Variants in EYA2 observed in about 807,000 individuals in gnomAD.
The protein encoded by EYA2 is protein phosphatase EYA2.
Under a neutral mutation model 69.2 loss-of-function variants are expected in EYA2, and 31 were observed. The observed-to-expected ratio is 0.45, with a 90% CI of 0.34 to 0.60. The LOEUF is 0.60. EYA2 is among the 20% of genes least tolerant of loss of function. The pLI is 0.02. For missense variants in EYA2, 622 were observed against 701.2 expected, an observed-to-expected ratio of 0.89 and a Z score of 1.28; for synonymous variants, 257 against 279.4, an observed-to-expected ratio of 0.92 and a Z score of 0.80.
At chr20:46,938,966 C>G (rs1051622326) in intron 1 of EYA2, among the ~76,000 whole-genome samples, 1 of 152,196 alleles carries the variant, frequency 6.6e-6, no homozygotes, top group Non-Finnish European at 1.5e-5. Context: ...TATTCAAATT[C>G]TCCCAGATGT....
intron 10 of EYA2, among the ~76,000 whole-genome samples, chr20:47,159,763 G>A (rs1363393048): frequency 2.6e-5 from 4 of 152,152 alleles, no homozygotes; most frequent in East Asian, 3.9e-4. Flanking sequence ...GCCAAGGTGG[G>A]CGGATCACTT....
intron 5 of EYA2, among the ~76,000 whole-genome samples, chr20:47,018,834 A>G (rs1983573836): frequency 1.3e-5 from 2 of 152,244 alleles, no homozygotes; most frequent in Non-Finnish European, 2.9e-5. Context: ...CGCAGAGCCA[A>G]TAAGTGTTCA....
intron 10 of EYA2, among the ~76,000 whole-genome samples, chr20:47,146,224 A>G (rs1312797394): frequency 1.3e-5 from 2 of 152,172 alleles, no homozygotes; most frequent in Non-Finnish European, 1.5e-5. Flanking sequence ...GAGATGTCTG[A>G]GACACCCTGG....
chr20:47,182,628 T>TCAAAAAAAAAAAAAAAAAAA lies in EYA2; in HGVS notation c.1436-663_1436-662insCAAAAAAAAAAAAAAAAAAA, dbSNP rs779945744. On this transcript the variant is annotated intron_variant, in intron 14 of 15. Coordinates refer to ENST00000327619, the MANE Select transcript of EYA2 (RefSeq NM_005244.5). Reference sequence around the variant, plus strand: ...TGGGCAACAAGAACGAGACTCCGTCTAAAAAAAAAAAAAAAAGGTTAAGAT... The same window carrying TCAAAAAAAAAAAAAAAAAAA: ...TGGGCAACAAGAACGAGACTCCGTCTCAAAAAAAAAAAAAAAAAAAAAAAAAAAAAAAAAAAGGTTAAGAT... 1.9e-4 allele frequency among the ~76,000 whole-genome samples: 16 copies of TCAAAAAAAAAAAAAAAAAAA among 84,350 alleles called. 1 individual carries two copies. Among genetic ancestry groups the TCAAAAAAAAAAAAAAAAAAA allele is most frequent in the African/African-American group, 5.2e-4 (8 of 15,300 alleles). 55.3% of individuals were successfully genotyped at this position (84,350 alleles called of 152,430 possible).
In EYA2 at chr20:46,955,223, G is replaced by A. The variant is rs143738663; in HGVS notation, c.-10-34778G>A. Among the ~76,000 whole-genome samples, 1,134 of 149,424 alleles carry A rather than the reference G, an allele frequency of 7.6e-3. 4 individuals are homozygous for A. The highest frequency in any genetic ancestry group is 0.017 in the South Asian group (78 of 4,538). ...GCGATCTCGGCTCACCGCAGCCTCCGCCTCCTGGGTTCAAGCAATTCCCCT... is the reference window on the plus strand; with the variant it reads ...GCGATCTCGGCTCACCGCAGCCTCCACCTCCTGGGTTCAAGCAATTCCCCT... On this transcript the variant is annotated intron_variant, in intron 1 of 15. Coordinates refer to ENST00000327619, the MANE Select transcript of EYA2 (RefSeq NM_005244.5).
At chr20:47,170,134 C>G (rs532220500) in intron 11 of EYA2, among the ~76,000 whole-genome samples, 216 of 151,990 alleles carry the variant, frequency 1.4e-3, no homozygotes, top group South Asian at 3.1e-3. Context: ...TCTCAAACTC[C>G]TAACCTCAAG....
At chr20:46,960,666 A>G (rs1979419936) in intron 1 of EYA2, among the ~76,000 whole-genome samples, 1 of 152,230 alleles carries the variant, frequency 6.6e-6, no homozygotes, top group African/African-American at 2.4e-5. Context: ...ATAAAGTCTT[A>G]TTAGAACACA....
Position 47,007,759 on chromosome 20 carries a change from G to A in EYA2, c.298+2675G>A, listed in dbSNP as rs372585029. Among the ~76,000 whole-genome samples the A allele has an allele frequency of 1.4e-4, 21 of 152,072 alleles. No individual in the cohort carries two copies. The East Asian group carries it at 2.9e-3, about 21-fold the overall frequency. ...CCCTCATGAGTAGCTGGGACTACAG[G>A]CACGCACTACCTCCCCTGGCTAATT... On this transcript the variant is annotated intron_variant, in intron 4 of 15. Coordinates refer to ENST00000327619, the MANE Select transcript of EYA2 (RefSeq NM_005244.5).
intron 1 of EYA2, among the ~76,000 whole-genome samples, chr20:46,961,075 C>T (rs886812283): frequency 1.3e-5 from 2 of 152,226 alleles, no homozygotes; most frequent in Non-Finnish European, 2.9e-5. Flanking sequence ...TGGCTCATGC[C>T]TGTAATCCCA....
At chr20:47,142,909 C>A (rs1199893091) in intron 9 of EYA2, 150 bp from the exon 10 acceptor site, 30 of 525,276 alleles carry the variant, frequency 5.7e-5, no homozygotes, top group Non-Finnish European at 9.0e-5. Context: ...ATCACACCGG[C>A]CTCACACAGA....
At chr20:47,082,502 C>A (rs1045207000) in intron 7 of EYA2, among the ~76,000 whole-genome samples, 47 of 152,074 alleles carry the variant, frequency 3.1e-4, no homozygotes, top group African/African-American at 1.1e-3. Context: ...GTGAAATACT[C>A]AAGGTTAAAT....
chr20:46,945,999 A>G (rs1978431296), intron 1 of EYA2, among the ~76,000 whole-genome samples: 1 of 152,194 alleles, frequency 6.6e-6, no homozygotes, highest in Non-Finnish European at 1.5e-5. Flanking sequence ...TCGCAACCCA[A>G]GAGGGTCTGA....
chr20:46,923,556 A>C (rs927209248), intron 1 of EYA2, among the ~76,000 whole-genome samples: 6 of 152,240 alleles, frequency 3.9e-5, no homozygotes, highest in Non-Finnish European at 5.9e-5. Context: ...AAGTGATTGA[A>C]GTGGGTAATA....
In EYA2 at chr20:47,143,093, T is replaced by A; in HGVS notation, c.923T>A (p.Met308Lys). The change falls in exon 10 of 16, where the codon ATG (methionine) becomes AAG (lysine). Residue 308 changes from methionine to lysine, a missense_variant. Physicochemically the swap from Met to Lys is moderately conservative, Grantham distance 95. Around this residue, in one of 2 missense-constraint regions of EYA2, gnomAD observed 257 missense variants for 351.5 expected, o/e 0.73. Transcript: ENST00000327619. Reference protein sequence around the residue: ...TTTSVRIGLMMEEMIFNLADT... With the variant: ...TTTSVRIGLMKEEMIFNLADT... The stretch of plus-strand genomic sequence containing the variant: ...ACGTCCGTGCGCATTGGCCTTATGA[T>A]GGAAGAGATGATCTTCAACCTTGCA... The A allele has an allele frequency of 6.2e-7, 1 of 1,613,964 alleles. No individual in the cohort carries two copies. Among genetic ancestry groups the A allele is most frequent in the Non-Finnish European group, 8.5e-7 (1 of 1,179,936 alleles).
rs759277551 is a variant in EYA2 at position 47,158,636 on chromosome 20, G to A, written c.979-10503G>A. On this transcript the variant is annotated intron_variant, in intron 10 of 15. Coordinates refer to ENST00000327619, the MANE Select transcript of EYA2 (RefSeq NM_005244.5). The stretch of plus-strand genomic sequence containing the variant: ...TTCTAATACCACGCTGCAAGAAAAA[G>A]GAACCAGAGCTCCATGGAGAAATGG... 6.2e-4 allele frequency among the ~76,000 whole-genome samples: 95 copies of A among 152,024 alleles called. 1 individual carries two copies. Among genetic ancestry groups the A allele is most frequent in the Middle Eastern group, 3.4e-3 (1 of 292 alleles).
intron 1 of EYA2, among the ~76,000 whole-genome samples, chr20:46,987,916 G>GACTCTCTCTCCCTCTCTCCCTC (rs56288405): frequency 4.9e-5 from 1 of 20,352 alleles, no homozygotes; most frequent in Non-Finnish European, 9.6e-5. Context: ...GACAGAGTAA[G>GACTCTCTCTCCCTCTCTCCCTC]TCTCTCTCTC....
intron 5 of EYA2, among the ~76,000 whole-genome samples, chr20:47,044,523 G>A (rs898155672): frequency 7.9e-5 from 12 of 152,104 alleles, no homozygotes; most frequent in Non-Finnish European, 1.5e-4. Flanking sequence ...CTTTCGGGGG[G>A]GTGGGGGCAA....
chr20:46,935,157 G>A (rs1360907691), intron 1 of EYA2, among the ~76,000 whole-genome samples: 1 of 152,158 alleles, frequency 6.6e-6, no homozygotes, highest in Non-Finnish European at 1.5e-5. Context: ...CTCTACTCAG[G>A]GCCAAACCTT....
At chr20:46,991,379 A>G (rs1240312355) in intron 2 of EYA2, among the ~76,000 whole-genome samples, 1 of 152,226 alleles carries the variant, frequency 6.6e-6, no homozygotes, top group South Asian at 2.1e-4. Context: ...AAATGGGGGC[A>G]TAATGGCGTA....
Sources: allele counts gnomAD v4.1 joint callset (sites outside exome capture counted in the v4.1 genomes callset), GRCh38; gene constraint gnomAD v4.1.1; regional missense constraint gnomAD v4.1.1; transcripts MANE v1.5; gene names NCBI Gene and HGNC (gene_info 2026-07-23, HGNC 2026-07-21).